SAMD4A: variants seen among roughly 807,000 people sequenced by gnomAD.
SAMD4A encodes the protein sterile alpha motif domain containing 4A, also known as protein Smaug homolog 1.
Under a neutral mutation model 81.3 loss-of-function variants are expected in SAMD4A, and 33 were observed. The ratio of observed to expected loss-of-function variants is 0.41; its 90% CI spans 0.31 to 0.54. The LOEUF is 0.54. Among genes scored for constraint, SAMD4A ranks in the 20% least tolerant of loss-of-function variants. The pLI is 0.37. For missense variants in SAMD4A, 854 were observed against 951.1 expected (o/e 0.90, Z 1.34); for synonymous variants, 389 against 382.1 (o/e 1.02, Z -0.21).
intron 2 of SAMD4A, among the ~76,000 whole-genome samples, chr14:54,578,132 A>C (rs543380741): frequency 1.3e-5 from 2 of 152,286 alleles, no homozygotes; most frequent in Non-Finnish European, 2.9e-5. Flanking sequence ...CTATGAGATG[A>C]GGTAGGAACT....
chr14:54,653,698 G>C (rs887906876), intron 2 of SAMD4A, among the ~76,000 whole-genome samples: 2 of 152,008 alleles, frequency 1.3e-5, no homozygotes, highest in African/African-American at 4.8e-5. Context: ...TGCTTCTCTT[G>C]AGGCAATAAT....
At chr14:54,729,927 A>G (rs1326598274) in intron 3 of SAMD4A, among the ~76,000 whole-genome samples, 1 of 152,226 alleles carries the variant, frequency 6.6e-6, no homozygotes, top group African/African-American at 2.4e-5. Context: ...TTTCATAAAT[A>G]ATGACAATGT....
At chr14:54,716,123 A>G (rs187012098) in intron 3 of SAMD4A, among the ~76,000 whole-genome samples, 2 of 152,322 alleles carry the variant, frequency 1.3e-5, no homozygotes, top group African/African-American at 2.4e-5. Context: ...AATATTTAGC[A>G]TGTTACTGGT....
At chr14:54,678,843 C>T (rs959849708) in intron 2 of SAMD4A, among the ~76,000 whole-genome samples, 3 of 152,198 alleles carry the variant, frequency 2.0e-5, no homozygotes, top group Non-Finnish European at 2.9e-5. Context: ...CCACCGCGCC[C>T]GGCCTGATCT....
intron 2 of SAMD4A, among the ~76,000 whole-genome samples, chr14:54,695,885 G>T (rs551218550): frequency 1.3e-5 from 2 of 150,488 alleles, no homozygotes; most frequent in Non-Finnish European, 3.0e-5. Flanking sequence ...CCCAGGAGGC[G>T]GAGGTTACAG....
At chr14:54,751,969 C>T (rs2038113126) in intron 6 of SAMD4A, among the ~76,000 whole-genome samples, 1 of 152,160 alleles carries the variant, frequency 6.6e-6, no homozygotes, top group African/African-American at 2.4e-5. Context: ...TTGAGAAAAG[C>T]TGCCCCCAGA....
intron 2 of SAMD4A, among the ~76,000 whole-genome samples, chr14:54,603,313 TCTTA>T (rs959077607): frequency 2.0e-5 from 3 of 152,388 alleles, no homozygotes; most frequent in Non-Finnish European, 4.4e-5. Flanking sequence ...TTTATTTATA[TCTTA>T]CTTTTTATTA....
intron 7 of SAMD4A, among the ~76,000 whole-genome samples, chr14:54,762,138 C>T (rs144113232): frequency 1.3e-5 from 2 of 152,160 alleles, no homozygotes; most frequent in African/African-American, 4.8e-5. Context: ...TGGGTAAGAG[C>T]GCCCCTTTCT....
chr14:54,647,880 C>T (rs1053914606), intron 2 of SAMD4A, among the ~76,000 whole-genome samples: 2 of 152,228 alleles, frequency 1.3e-5, no homozygotes, highest in African/African-American at 4.8e-5. Flanking sequence ...CTGAGCCCTA[C>T]AGCTGCGCTG....
intron 2 of SAMD4A, among the ~76,000 whole-genome samples, chr14:54,670,006 G>A (rs551563985): frequency 1.2e-4 from 18 of 152,324 alleles, no homozygotes; most frequent in African/African-American, 4.3e-4. Flanking sequence ...ACCCAGACCA[G>A]TGAAATGTTT....
At chr14:54,681,742 CTTTT>C in intron 2 of SAMD4A, 1 of 978,388 alleles carries the variant, frequency 1.0e-6, no homozygotes, top group African/African-American at 1.7e-5. Context: ...TTTTAGAAAA[CTTTT>C]TTATTTTAAT....
intron 7 of SAMD4A, among the ~76,000 whole-genome samples, chr14:54,762,941 A>G (rs1012815611): frequency 1.3e-5 from 2 of 148,330 alleles, no homozygotes; most frequent in Non-Finnish European, 3.0e-5. Flanking sequence ...TGCAAGCTCC[A>G]CCTCCCAGGT....
At chr14:54,677,783 C>T (rs1435172355) in intron 2 of SAMD4A, among the ~76,000 whole-genome samples, 3 of 152,100 alleles carry the variant, frequency 2.0e-5, no homozygotes, top group Admixed American at 6.5e-5. Flanking sequence ...AAATATTTGG[C>T]TTTGAAGAAA....
chr14:54,616,125 C>A (rs2140284946), intron 2 of SAMD4A, among the ~76,000 whole-genome samples: 1 of 152,282 alleles, frequency 6.6e-6, no homozygotes, highest in East Asian at 1.9e-4. Context: ...ATTTAAGTTT[C>A]ATCTCAAGAA....
In SAMD4A at chr14:54,751,537, G is replaced by C; in HGVS notation, c.1176G>C (p.Arg392Ser). 1 of 1,584,162 alleles carries C rather than the reference G, an allele frequency of 6.3e-7. No homozygotes were observed. The highest frequency in any genetic ancestry group is 8.6e-7 in the Non-Finnish European group (1 of 1,156,108). Residue 392 changes from arginine (R) to serine (S), a missense_variant and splice_region_variant, in exon 6 of 13, where the codon AGG (arginine) becomes AGC (serine). By Grantham distance (110) the Arg-to-Ser change is moderately radical (BLOSUM62 -1). Around this residue, in one of 3 missense-constraint regions of SAMD4A, gnomAD observed 428 missense variants for 471.2 expected, o/e 0.91. Coordinates refer to ENST00000554335, the MANE Select transcript of SAMD4A (RefSeq NM_015589.6). ...ERQNLLKSLE[R>S]DIIEGGSLRI... The stretch of plus-strand genomic sequence containing the variant: ...AAAATCTCCTGAAGTCTTTGGAAAG[G>C]GTAAGTTATCGGATGAGGGAACATT...
chr14:54,601,666 G>C (rs569431740), intron 2 of SAMD4A, among the ~76,000 whole-genome samples: 1 of 152,182 alleles, frequency 6.6e-6, no homozygotes, highest in South Asian at 2.1e-4. Context: ...AATTTGTTGC[G>C]GTTAAACAGT....
intron 6 of SAMD4A, among the ~76,000 whole-genome samples, chr14:54,759,227 C>T (rs57053405): frequency 0.017 from 2,570 of 152,286 alleles, 67 homozygotes; most frequent in African/African-American, 0.058. Flanking sequence ...TGCTCAAAAC[C>T]TTCCCTGGTT....
intron 9 of SAMD4A, among the ~76,000 whole-genome samples, chr14:54,771,378 T>C (rs1252590014): frequency 6.6e-6 from 1 of 152,190 alleles, no homozygotes; most frequent in Non-Finnish European, 1.5e-5. Context: ...GCAGCAGCAT[T>C]GGGGATTTGA....
intron 7 of SAMD4A, among the ~76,000 whole-genome samples, chr14:54,763,750 C>T (rs534810023): frequency 3.3e-5 from 5 of 152,276 alleles, no homozygotes; most frequent in Non-Finnish European, 7.3e-5. Flanking sequence ...GTCGGGGAAT[C>T]GTCACCTCTA....
Sources: allele counts gnomAD v4.1 joint callset (sites outside exome capture counted in the v4.1 genomes callset), GRCh38; gene constraint gnomAD v4.1.1; regional missense constraint gnomAD v4.1.1; transcripts MANE v1.5; gene names NCBI Gene and HGNC (gene_info 2026-07-23, HGNC 2026-07-21).